The following CYRIB variants were observed in gnomAD, a reference collection of about 807,000 sequenced individuals.
CYRIB encodes the protein CYFIP-related Rac1 interactor B.
A neutral mutation model predicts 44.2 loss-of-function variants in CYRIB; 8 were observed. The observed-to-expected ratio is 0.18, with a 90% CI of 0.11 to 0.33. The LOEUF is 0.33. Among genes scored for constraint, CYRIB ranks in the 10% least tolerant of loss-of-function variants. CYRIB has a pLI of 1.00. For missense variants in CYRIB, 185 were observed against 382.8 expected (o/e 0.48, Z 4.31); for synonymous variants, 131 against 127.2 (o/e 1.03, Z -0.20).
intron 1 of CYRIB, among the ~76,000 whole-genome samples, chr8:129,985,309 T>C (rs1412752695): frequency 1.3e-5 from 2 of 152,190 alleles, no homozygotes; most frequent in African/African-American, 2.4e-5. Flanking sequence ...GGTGCCACTA[T>C]CCAGAAGGCC....
At chr8:129,932,316 G>C (rs2091745158) in intron 1 of CYRIB, among the ~76,000 whole-genome samples, 1 of 152,084 alleles carries the variant, frequency 6.6e-6, no homozygotes, top group Non-Finnish European at 1.5e-5. Context: ...GAACAGTCTT[G>C]AGAAATAAAG....
chr8:129,880,384 T>A, intron 2 of CYRIB: 1 of 985,786 alleles, frequency 1.0e-6, no homozygotes, highest in Non-Finnish European at 1.2e-6. Context: ...ACTTTCAAAG[T>A]CCAAGAAAAA....
At chr8:129,869,890 C>T (rs1238655896) in intron 4 of CYRIB, among the ~76,000 whole-genome samples, 2 of 150,894 alleles carry the variant, frequency 1.3e-5, no homozygotes, top group Non-Finnish European at 2.9e-5. Context: ...TTTACCTCCC[C>T]CCCGCCCAAA....
chr8:129,981,788 A>AT (rs2096248246), intron 1 of CYRIB, among the ~76,000 whole-genome samples: 1 of 152,176 alleles, frequency 6.6e-6, no homozygotes, highest in Non-Finnish European at 1.5e-5. Context: ...CCATTTCCAA[A>AT]GCCCTTCACC....
At chr8:129,952,494 G>A (rs534481088) in intron 2 of CYRIB, among the ~76,000 whole-genome samples, 2 of 152,264 alleles carry the variant, frequency 1.3e-5, no homozygotes, top group Admixed American at 1.3e-4. Flanking sequence ...TGGAGAAATG[G>A]TAGAGAGGAT....
At chr8:129,846,692 T>C in intron 11 of CYRIB, 112 bp downstream of exon 13, 1 of 691,872 alleles carries the variant, frequency 1.4e-6, no homozygotes, top group Non-Finnish European at 2.4e-6. Flanking sequence ...TATTTCTAGC[T>C]TGAACACTTA....
chr8:129,867,315 C>T (rs1489649737), intron 4 of CYRIB, among the ~76,000 whole-genome samples: 5 of 143,656 alleles, frequency 3.5e-5, no homozygotes, highest in East Asian at 2.0e-4. Flanking sequence ...AGTAGAGATG[C>T]GGTTTTACTA....
At chr8:129,985,327 C>A (rs1564622713) in intron 1 of CYRIB, among the ~76,000 whole-genome samples, 1 of 152,192 alleles carries the variant, frequency 6.6e-6, no homozygotes, top group East Asian at 1.9e-4. Flanking sequence ...GCCGGTCTTT[C>A]TCACGGCCTC....
At chr8:129,979,923 A>AAAAAT (rs987411190) in intron 1 of CYRIB, among the ~76,000 whole-genome samples, 2 of 152,186 alleles carry the variant, frequency 1.3e-5, no homozygotes, top group Non-Finnish European at 2.9e-5. Flanking sequence ...CTCCACCTCA[A>AAAAAT]AAAATAAAAT....
At chr8:129,852,245 C>A in exon 8 of CYRIB, 1 of 1,569,564 alleles carries the variant, frequency 6.4e-7, no homozygotes. Context: ...ATTCGATTTG[C>A]CAATTCATTA....
At chr8:129,997,725 T>C (rs1290351131) in intron 1 of CYRIB, among the ~76,000 whole-genome samples, 3 of 152,164 alleles carry the variant, frequency 2.0e-5, no homozygotes, top group African/African-American at 4.8e-5. Flanking sequence ...GGTTGTCACA[T>C]AGCCTGTCAA....
intron 1 of CYRIB, among the ~76,000 whole-genome samples, chr8:129,999,640 A>G (rs2096862525): frequency 6.6e-6 from 1 of 152,296 alleles, no homozygotes; most frequent in East Asian, 1.9e-4. Context: ...TATTTTTAAT[A>G]TGCTGGAGAC....
chr8:129,948,252 G>A (rs1013291819), intron 2 of CYRIB, among the ~76,000 whole-genome samples: 3 of 152,232 alleles, frequency 2.0e-5, no homozygotes, highest in Admixed American at 6.5e-5. Context: ...TGAATAGGGA[G>A]AAGAGGAAAA....
intron 3 of CYRIB, among the ~76,000 whole-genome samples, chr8:129,877,077 C>T (rs994565466): frequency 6.6e-6 from 1 of 152,030 alleles, no homozygotes; most frequent in African/African-American, 2.4e-5. Context: ...GAAAAATATA[C>T]AGAGATTAAA....
intron 1 of CYRIB, among the ~76,000 whole-genome samples, chr8:129,916,321 C>T (rs2080755029): frequency 6.6e-6 from 1 of 152,060 alleles, no homozygotes; most frequent in South Asian, 2.1e-4. Context: ...TAGTTCTCTC[C>T]CCACTTTATT....
intron 1 of CYRIB, among the ~76,000 whole-genome samples, chr8:129,976,054 A>C (rs985505698): frequency 3.3e-5 from 5 of 152,218 alleles, no homozygotes; most frequent in African/African-American, 1.2e-4. Context: ...AGTCCCTAAC[A>C]GTGCCTGTTA....
At chr8:129,901,711 T>C (rs2072125116) in intron 2 of CYRIB, 1 of 152,236 alleles carries the variant, frequency 6.6e-6, no homozygotes, top group Non-Finnish European at 1.5e-5. Context: ...CAATCAAGAA[T>C]ATTAGTAACA....
At chr8:129,916,875 T>C (rs903427213) in intron 1 of CYRIB, among the ~76,000 whole-genome samples, 5 of 152,296 alleles carry the variant, frequency 3.3e-5, no homozygotes, top group African/African-American at 1.2e-4. Context: ...GTAGAAAAGT[T>C]TTAGTCTAGA....
intron 1 of CYRIB, among the ~76,000 whole-genome samples, chr8:129,932,091 C>A (rs772586992): frequency 6.6e-6 from 1 of 151,204 alleles, no homozygotes; most frequent in Non-Finnish European, 1.5e-5. Context: ...CTCCACCTCC[C>A]AGGTTCAAGC....
Sources: allele counts gnomAD v4.1 joint callset (sites outside exome capture counted in the v4.1 genomes callset), GRCh38; gene constraint gnomAD v4.1.1; transcripts MANE v1.5; gene names NCBI Gene and HGNC (gene_info 2026-07-23, HGNC 2026-07-21).